DAAM1: variants seen among roughly 807,000 people sequenced by gnomAD.
DAAM1 encodes the protein disheveled-associated activator of morphogenesis 1.
Under a neutral mutation model 130.0 loss-of-function variants are expected in DAAM1, and 52 were observed. That is an observed-to-expected ratio of 0.40 (90% CI 0.32 to 0.50). DAAM1 has a LOEUF of 0.50. Ranked by LOEUF, DAAM1 falls within the 20% of genes least tolerant of loss-of-function variation. The pLI is 0.61. For synonymous variants in DAAM1, 452 were observed against 444.5 expected, an observed-to-expected ratio of 1.02 and a Z score of -0.21; for missense variants, 1,134 against 1,303.8, an observed-to-expected ratio of 0.87 and a Z score of 2.01.
intron 18 of DAAM1, 40 bp downstream of exon 18, chr14:59,352,672 C>A (rs769569469): frequency 2.3e-5 from 35 of 1,526,410 alleles, no homozygotes; most frequent in Non-Finnish European, 3.1e-5. Flanking sequence ...ATGTCACTTC[C>A]CTTTCTAAGC....
intron 3 of DAAM1, among the ~76,000 whole-genome samples, chr14:59,300,474 A>C (rs1016302565): frequency 1.3e-5 from 2 of 152,244 alleles, no homozygotes; most frequent in Non-Finnish European, 2.9e-5. Context: ...GACACTCTCA[A>C]AATTTCTAAA....
intron 3 of DAAM1, among the ~76,000 whole-genome samples, chr14:59,292,188 TG>T (rs1239608291): frequency 6.6e-6 from 1 of 152,150 alleles, no homozygotes; most frequent in African/African-American, 2.4e-5. Context: ...AATGGGGTAG[TG>T]GGAAGGTCAA....
rs146329540 is a variant in DAAM1, at chr14:59,214,778, A to G, written c.-38+26010A>G. ...TTTGGGTTGTTTCTACTCTTCAGCT[A>G]TCATGAATAATGCTGCCGTCAACAT... On this transcript the variant is annotated intron_variant, in intron 1 of 24. Coordinates refer to ENST00000360909, the MANE Select transcript of DAAM1 (RefSeq NM_001270520.2). Among the ~76,000 whole-genome samples the G allele has an allele frequency of 2.1e-3, 320 of 152,300 alleles. 1 individual carries two copies. Among genetic ancestry groups the G allele is most frequent in the African/African-American group, 7.5e-3 (313 of 41,566 alleles).
intron 1 of DAAM1, among the ~76,000 whole-genome samples, chr14:59,200,943 C>T (rs1393690453): frequency 1.3e-5 from 2 of 151,922 alleles, no homozygotes; most frequent in Non-Finnish European, 2.9e-5. Context: ...GGGCGGATCA[C>T]GAGGTCAGGA....
chr14:59,192,149 G>GGC (rs1555353452), intron 1 of DAAM1, among the ~76,000 whole-genome samples: 1 of 138,560 alleles, frequency 7.2e-6, no homozygotes, highest in African/African-American at 2.7e-5. Context: ...CTTGTTAAGG[G>GGC]GTGTGTGTGT....
intron 6 of DAAM1, among the ~76,000 whole-genome samples, chr14:59,323,887 C>T (rs985322929): frequency 6.6e-6 from 1 of 151,864 alleles, no homozygotes; most frequent in African/African-American, 2.4e-5. Flanking sequence ...AAAAAATTAG[C>T]TGGGTGTGAT....
chr14:59,306,656 G>T (rs1788657280), intron 3 of DAAM1, among the ~76,000 whole-genome samples: 1 of 151,830 alleles, frequency 6.6e-6, no homozygotes. Context: ...CTCTTTTCTG[G>T]CTGGAGGGTC....
intron 4 of DAAM1, among the ~76,000 whole-genome samples, chr14:59,317,059 CT>C (rs925147393): frequency 6.6e-6 from 1 of 152,190 alleles, no homozygotes; most frequent in African/African-American, 2.4e-5. Flanking sequence ...CATCCAGCTC[CT>C]TGGACAATTC....
chr14:59,232,995 T>C (rs1889160856), intron 1 of DAAM1, among the ~76,000 whole-genome samples: 1 of 152,192 alleles, frequency 6.6e-6, no homozygotes, highest in Admixed American at 6.5e-5. Context: ...TGCATAGTAT[T>C]CCATGGTGTG....
At chr14:59,350,216 G>C (rs527675269) in intron 17 of DAAM1, among the ~76,000 whole-genome samples, 40 of 152,200 alleles carry the variant, frequency 2.6e-4, no homozygotes, top group African/African-American at 8.7e-4. Flanking sequence ...CATTAGGATG[G>C]AGGGGATGTC....
intron 1 of DAAM1, among the ~76,000 whole-genome samples, chr14:59,227,067 G>T (rs1221893697): frequency 6.6e-6 from 1 of 152,120 alleles, no homozygotes; most frequent in Non-Finnish European, 1.5e-5. Flanking sequence ...CAGTAAAACT[G>T]ACTGTTTTGA....
Position 59,330,540 on chromosome 14 carries a change from G to A in DAAM1, c.1412G>A (p.Arg471Gln). The A allele has an allele frequency of 6.2e-7, 1 of 1,612,762 alleles. No individual in the cohort carries two copies. The highest frequency in any genetic ancestry group is 8.5e-7 in the Non-Finnish European group (1 of 1,179,582). The change falls in exon 13 of 25, where the codon CGA (arginine) becomes CAA (glutamine). Residue 471 changes from arginine to glutamine, a missense_variant. Arg to Gln is a conservative substitution (Grantham distance 43, BLOSUM62 1). Around this residue, in one of 3 missense-constraint regions of DAAM1, gnomAD observed 391 missense variants for 521.6 expected, o/e 0.75. Coordinates refer to ENST00000360909, the MANE Select transcript of DAAM1 (RefSeq NM_001270520.2). ...ELQQKLEKKE[R>Q]ECDAKTQEKE... ...CAACAGAAACTGGAAAAGAAAGAAC[G>A]AGAATGTGATGCTAAGACTCAAGAG...
At chr14:59,235,869 G>T (rs1205534374) in intron 1 of DAAM1, among the ~76,000 whole-genome samples, 1 of 152,108 alleles carries the variant, frequency 6.6e-6, no homozygotes, top group Non-Finnish European at 1.5e-5. Context: ...CCAGCCAATT[G>T]CTTTGAAAGA....
chr14:59,307,743 T>C (rs1423856393), intron 3 of DAAM1, among the ~76,000 whole-genome samples: 1 of 152,104 alleles, frequency 6.6e-6, no homozygotes, highest in Non-Finnish European at 1.5e-5. Flanking sequence ...TGTGAACGGA[T>C]GGTTATACAG....
chr14:59,203,158 A>ATTTTTTTTTTTTTTTTTTTT (rs57437992), intron 1 of DAAM1, among the ~76,000 whole-genome samples: 3 of 108,114 alleles, frequency 2.8e-5, no homozygotes, highest in African/African-American at 6.9e-5. Flanking sequence ...CTTCTGGCTA[A>ATTTTTTTTTTTTTTTTTTTT]TTTTTTTTTT....
rs1326895483 is a variant in DAAM1 at position 59,308,381 on chromosome 14, T to C, written c.274-6899T>C. Among the ~76,000 whole-genome samples the C allele has an allele frequency of 1.3e-5, 2 of 152,210 alleles. 1 individual carries two copies. Among genetic ancestry groups the C allele is most frequent in the South Asian group, 4.1e-4 (2 of 4,830 alleles). On this transcript the variant is annotated intron_variant, in intron 3 of 24. Coordinates refer to ENST00000360909, the MANE Select transcript of DAAM1 (RefSeq NM_001270520.2). ...GGAGGATATAATCACTTTATTCAAA[T>C]TGTTTAAATATTTGCTGGGTCATTG...
At chr14:59,243,353 C>T (rs1314706544) in intron 1 of DAAM1, among the ~76,000 whole-genome samples, 1 of 152,056 alleles carries the variant, frequency 6.6e-6, no homozygotes, top group Admixed American at 6.5e-5. Flanking sequence ...GTGCACAGAT[C>T]CTTTTTAGAC....
chr14:59,341,323 T>G (rs1368182019), intron 16 of DAAM1, among the ~76,000 whole-genome samples: 1 of 152,178 alleles, frequency 6.6e-6, no homozygotes, highest in Non-Finnish European at 1.5e-5. Flanking sequence ...ATGCTCAGGT[T>G]AAATAAAATA....
chr14:59,335,061 T>G (rs1885576892), intron 15 of DAAM1, among the ~76,000 whole-genome samples: 1 of 152,204 alleles, frequency 6.6e-6, no homozygotes, highest in Non-Finnish European at 1.5e-5. Flanking sequence ...GATATTCATA[T>G]TTTATAGATA....
Sources: gnomAD v4.1 joint callset for allele counts (sites outside exome capture counted in the v4.1 genomes callset) on GRCh38, gnomAD v4.1.1 for gene constraint, gnomAD v4.1.1 regional missense constraint, MANE v1.5 for transcripts, NCBI Gene and HGNC (gene_info 2026-07-23, HGNC 2026-07-21) for gene names.